Variants in PSD3 observed in about 807,000 individuals in gnomAD.
PSD3 encodes the protein PH and SEC7 domain-containing protein 3.
A neutral mutation model predicts 105.5 loss-of-function variants in PSD3; 49 were observed. The ratio of observed to expected loss-of-function variants is 0.46; its 90% CI spans 0.37 to 0.59. The LOEUF is 0.59. PSD3 is among the 20% of genes least tolerant of loss of function. PSD3 has a pLI of 0.00. For missense variants in PSD3, 1,561 were observed against 1,263.8 expected (o/e 1.24, Z -3.57); for synonymous variants, 557 against 457.8 (o/e 1.22, Z -2.77).
chr8:18,897,256 T>G lies in PSD3; in HGVS notation c.131-24523A>C, dbSNP rs1035055608. Among the ~76,000 whole-genome samples the G allele has an allele frequency of 3.9e-5, 6 of 152,328 alleles. 1 individual carries two copies. Among genetic ancestry groups the G allele is most frequent in the Middle Eastern group, 6.8e-3 (2 of 294 alleles). On this transcript the variant is annotated intron_variant, in intron 2 of 15. Transcript: ENST00000327040. ...TCTTTTGAGACGTGATGTGTCTGCT[T>G]ATTGAAGAGACTGTCCTTTTCCCAG...
chr8:19,079,627 G>A (rs1174829176), intron 1 of PSD3, among the ~76,000 whole-genome samples: 1 of 152,176 alleles, frequency 6.6e-6, no homozygotes, highest in East Asian at 1.9e-4. Flanking sequence ...GGGAGTCAAT[G>A]TTCAACTCGT....
At chr8:18,654,417 C>T (rs930167902) in intron 10 of PSD3, among the ~76,000 whole-genome samples, 1 of 151,980 alleles carries the variant, frequency 6.6e-6, no homozygotes, top group Non-Finnish European at 1.5e-5. Context: ...CTTATGAATA[C>T]TTAGTAAAAA....
rs114196909 is a variant in PSD3, at chr8:18,857,552, C to T, written c.1634+10122G>A. 4.2e-3 allele frequency among the ~76,000 whole-genome samples: 633 copies of T among 152,326 alleles called. 3 individuals carry two copies. Among genetic ancestry groups the T allele is most frequent in the African/African-American group, 0.015 (603 of 41,566 alleles). On this transcript the variant is annotated intron_variant, in intron 4 of 15. Coordinates refer to ENST00000327040, the MANE Select transcript of PSD3 (RefSeq NM_015310.4). ...GACGGTGAAGGCTGGAGATGAGAAG[C>T]TTACAGAGCTCCCTGTATGATTCTA...
At chr8:18,913,781 C>T (rs1820400451) in intron 2 of PSD3, among the ~76,000 whole-genome samples, 1 of 151,852 alleles carries the variant, frequency 6.6e-6, no homozygotes, top group South Asian at 2.1e-4. Flanking sequence ...CAGGATGGTC[C>T]CCACAAACTA....
rs146633628 is a variant in PSD3, at chr8:18,990,327, C to A, written c.21+23236G>T. Among the ~76,000 whole-genome samples the A allele has an allele frequency of 6.3e-3, 953 of 152,354 alleles. 21 individuals are homozygous for A. Among genetic ancestry groups the A allele is most frequent in the Admixed American group, 0.043 (655 of 15,306 alleles). On this transcript the variant is annotated intron_variant, in intron 1 of 15. Transcript: ENST00000327040. Reference sequence around the variant, plus strand: ...TCTGGCCCTAGCTTATCTTTGCAATCCCATGCCTTCATTCCTACCGCTCCA... The same window carrying A: ...TCTGGCCCTAGCTTATCTTTGCAATACCATGCCTTCATTCCTACCGCTCCA...
chr8:18,691,628 CA>C (rs1800978614), intron 9 of PSD3, among the ~76,000 whole-genome samples: 1 of 152,152 alleles, frequency 6.6e-6, no homozygotes, highest in South Asian at 2.1e-4. Context: ...ATGAGTAAAC[CA>C]ATAATTGTAT....
At chr8:18,859,368 A>C (rs912866195) in intron 4 of PSD3, among the ~76,000 whole-genome samples, 2 of 152,028 alleles carry the variant, frequency 1.3e-5, no homozygotes, top group South Asian at 4.1e-4. Context: ...TTTAAGGATA[A>C]TTCTGAAGGG....
rs962986399 is a variant in PSD3, at chr8:18,869,183, T to C, written c.1239-1114A>G. ...TCTCCACACTCACTGCACCCCACTC[T>C]CCCCTGCTTTTTTTTTTTTTTTTTG... On this transcript the variant is annotated intron_variant, in intron 3 of 15. Transcript: ENST00000327040. Among the ~76,000 whole-genome samples the C allele has an allele frequency of 2.4e-3, 288 of 120,712 alleles. 2 individuals carry two copies. Among genetic ancestry groups the C allele is most frequent in the African/African-American group, 8.7e-3 (267 of 30,820 alleles). 79.2% of individuals were successfully genotyped at this position (120,712 alleles called of 152,430 possible). A position where few individuals can be genotyped will look rare whatever the true frequency, so the allele number is the denominator to read the frequency against.
At chr8:18,785,325 C>T (rs1463635808) in intron 8 of PSD3, among the ~76,000 whole-genome samples, 3 of 152,146 alleles carry the variant, frequency 2.0e-5, no homozygotes, top group African/African-American at 7.2e-5. Flanking sequence ...TCTACATTAG[C>T]ACTTGCTGCT....
rs774041739 is a variant in PSD3 at position 18,867,879 on chromosome 8, G to T, written c.1429C>A (p.Pro477Thr). The T allele has an allele frequency of 6.2e-7, 1 of 1,614,148 alleles. No individual in the cohort carries two copies. The highest frequency in any genetic ancestry group is 8.5e-7 in the Non-Finnish European group (1 of 1,179,992). ...CGCTGTTGTATCATTGGAGTGAGGG[G>T]CATTTCAAAGCTAAAATAGCTATCA... ...EPDSYFSFEM[P>T]LTPMIQQRIK... The change falls in exon 4 of 16, where the codon CCC (proline) becomes ACC (threonine). Residue 477 changes from proline (P) to threonine (T), a missense_variant. Transcript: ENST00000327040.
chr8:18,872,054 T>C lies in PSD3; in HGVS notation c.810A>G (p.Lys270=). ...CTCTCCCAAGAGCAGACCTCTGCTC[T>C]TTCAAGAAACCAACACTGCCTGCAG... The part of the protein sequence containing the change: ...CHSAGSVGFL[K]EQRSALGREH... Residue 270 remains lysine, a synonymous_variant, in exon 3 of 16, where the codon AAA becomes AAG. Coordinates refer to ENST00000327040, the MANE Select transcript of PSD3 (RefSeq NM_015310.4). 1 of 1,614,178 alleles carries C rather than the reference T, an allele frequency of 6.2e-7. No homozygotes were observed. The highest frequency in any genetic ancestry group is 8.5e-7 in the Non-Finnish European group (1 of 1,180,026).
chr8:18,649,550 A>G (rs1236744157), intron 10 of PSD3, among the ~76,000 whole-genome samples: 2 of 152,118 alleles, frequency 1.3e-5, no homozygotes, highest in Admixed American at 6.5e-5. Flanking sequence ...CTCAGATAAG[A>G]GTGAGTTAAG....
rs147445772 is a variant in PSD3, at chr8:18,630,069, C to G, written c.2410+2544G>C. Among the ~76,000 whole-genome samples the G allele has an allele frequency of 5.1e-3, 768 of 151,844 alleles. 7 individuals are homozygous for G. The highest frequency in any genetic ancestry group is 0.017 in the African/African-American group (711 of 41,458). ...GATAAAGCAACTGACAGGAAAGAAG[C>G]CTGGAGATGGGCACGTCTTAACCCA... On this transcript the variant is annotated intron_variant, in intron 11 of 15. Transcript: ENST00000327040.
Position 18,623,909 on chromosome 8 carries a change from T to C in PSD3, c.2410+8704A>G, listed in dbSNP as rs189385801. The stretch of plus-strand genomic sequence containing the variant: ...TTTCAAATGTTATCTTACGTGCAGA[T>C]TCTTCTGCAAGCCGCTTTTTTTCAT... On this transcript the variant is annotated intron_variant, in intron 11 of 15. Coordinates refer to ENST00000327040, the MANE Select transcript of PSD3 (RefSeq NM_015310.4). Among the ~76,000 whole-genome samples, 27 of 152,326 alleles carry C rather than the reference T, an allele frequency of 1.8e-4. No individual in the cohort carries two copies. In the East Asian group the frequency reaches 2.9e-3, roughly 16 times the overall value.
At chr8:19,037,204 G>A (rs1251693249) in intron 1 of PSD3, among the ~76,000 whole-genome samples, 1 of 152,268 alleles carries the variant, frequency 6.6e-6, no homozygotes, top group African/African-American at 2.4e-5. Context: ...AGAACTTTCT[G>A]TGCTGAAGAA....
chr8:18,787,825 T>C (rs1405415167), intron 8 of PSD3, among the ~76,000 whole-genome samples: 1 of 152,228 alleles, frequency 6.6e-6, no homozygotes, highest in African/African-American at 2.4e-5. Context: ...GTTTAATACA[T>C]TCCCATAAAC....
chr8:19,038,392 C>A (rs1586655629), intron 1 of PSD3, among the ~76,000 whole-genome samples: 2 of 152,146 alleles, frequency 1.3e-5, no homozygotes, highest in East Asian at 3.8e-4. Flanking sequence ...AAGTCTTCTT[C>A]CTGTTAATCT....
intron 9 of PSD3, among the ~76,000 whole-genome samples, chr8:18,688,716 A>G (rs902651230): frequency 2.1e-4 from 32 of 152,198 alleles, no homozygotes; most frequent in African/African-American, 7.5e-4. Flanking sequence ...TATGGGGTTC[A>G]CAACTAGATT....
chr8:18,605,819 G>C (rs987105576), intron 11 of PSD3, among the ~76,000 whole-genome samples: 2 of 152,102 alleles, frequency 1.3e-5, no homozygotes, highest in Non-Finnish European at 2.9e-5. Context: ...TTGTTTAAAA[G>C]TGTGGAGCAC....
Sources: gnomAD v4.1 joint callset for allele counts (sites outside exome capture counted in the v4.1 genomes callset) on GRCh38, gnomAD v4.1.1 for gene constraint, MANE v1.5 for transcripts, NCBI Gene and HGNC (gene_info 2026-07-23, HGNC 2026-07-21) for gene names.